The following ERC2 variants were observed in gnomAD, a reference collection of about 807,000 sequenced individuals.
ERC2 encodes ERC protein 2.
Under a neutral mutation model 114.8 loss-of-function variants are expected in ERC2, and 42 were observed. That is an observed-to-expected ratio of 0.37 (90% CI 0.29 to 0.47). The LOEUF (loss-of-function observed/expected upper bound fraction) is 0.47. Among genes scored for constraint, ERC2 ranks in the 20% least tolerant of loss-of-function variants. The pLI is 0.99. For synonymous variants in ERC2, 454 were observed against 425.5 expected (o/e 1.07, Z -0.82); for missense variants, 939 against 1,150.7 (o/e 0.82, Z 2.66).
chr3:55,651,196 C>T (rs1457048053), intron 17 of ERC2, among the ~76,000 whole-genome samples: 2 of 151,976 alleles, frequency 1.3e-5, no homozygotes, highest in Non-Finnish European at 2.9e-5. Flanking sequence ...AGTCTGCCCT[C>T]ACTGCTGTGA....
At chr3:55,625,207 A>G (rs1016381535) in intron 17 of ERC2, among the ~76,000 whole-genome samples, 1 of 151,808 alleles carries the variant, frequency 6.6e-6, no homozygotes, top group African/African-American at 2.4e-5. Context: ...TCTCTACTAA[A>G]AATACAAAAA....
intron 14 of ERC2, among the ~76,000 whole-genome samples, chr3:55,822,932 A>G (rs1395213177): frequency 6.6e-6 from 1 of 152,086 alleles, no homozygotes; most frequent in Admixed American, 6.5e-5. Flanking sequence ...TTTAATAGCC[A>G]TCATGCTGCC....
intron 14 of ERC2, among the ~76,000 whole-genome samples, chr3:55,743,171 T>C (rs1330465003): frequency 2.0e-5 from 3 of 152,208 alleles, no homozygotes; most frequent in Non-Finnish European, 1.5e-5. Context: ...ACGGGGGCCA[T>C]GGAGTCTTGT....
intron 17 of ERC2, among the ~76,000 whole-genome samples, chr3:55,637,238 C>T (rs1323663453): frequency 2.0e-5 from 3 of 152,226 alleles, no homozygotes; most frequent in Admixed American, 6.5e-5. Flanking sequence ...TAGAAACTTT[C>T]TCATCTATGT....
intron 3 of ERC2, among the ~76,000 whole-genome samples, chr3:56,229,922 G>C (rs6782312): frequency 6.9e-6 from 1 of 144,110 alleles, no homozygotes; most frequent in African/African-American, 2.6e-5. Flanking sequence ...CTCAGGCTGG[G>C]GTACAGTGGC....
intron 6 of ERC2, among the ~76,000 whole-genome samples, chr3:56,105,739 A>G (rs1341224115): frequency 6.6e-6 from 1 of 152,188 alleles, no homozygotes; most frequent in Non-Finnish European, 1.5e-5. Flanking sequence ...TCCAGATAAG[A>G]ATTGACTGTG....
intron 2 of ERC2, among the ~76,000 whole-genome samples, chr3:56,329,631 A>G (rs1413011923): frequency 2.6e-5 from 4 of 152,134 alleles, no homozygotes; most frequent in Non-Finnish European, 5.9e-5. Context: ...AACAAAACAA[A>G]ACAAGACTGA....
intron 12 of ERC2, 100 bp from the exon 13 acceptor site, chr3:55,950,660 AGGGCTTGGG>A: frequency 1.5e-6 from 2 of 1,293,138 alleles, no homozygotes; most frequent in Non-Finnish European, 2.2e-6. Flanking sequence ...TATCTGGATA[AGGGCTTGGG>A]AAAAAGATGA....
In ERC2 at chr3:56,073,371, C is replaced by T. The variant is rs533778778; in HGVS notation, c.1641+7446G>A. Among the ~76,000 whole-genome samples, 7 of 152,260 alleles carry T rather than the reference C, an allele frequency of 4.6e-5. No homozygotes were observed. In the Middle Eastern group the frequency reaches 0.01, roughly 222 times the overall value. ...CTGCATATTAGGACATTTAGCAGCA[C>T]CCCTGGAATAGACCCTACCCATGAG... On this transcript the variant is annotated intron_variant, in intron 7 of 17. Coordinates refer to ENST00000288221, the MANE Select transcript of ERC2 (RefSeq NM_015576.3).
At chr3:56,109,796 A>G (rs1044546608) in intron 6 of ERC2, among the ~76,000 whole-genome samples, 1 of 146,614 alleles carries the variant, frequency 6.8e-6, no homozygotes, top group African/African-American at 2.6e-5. Context: ...CAAATGTTTA[A>G]AAACCAACAA....
intron 6 of ERC2, among the ~76,000 whole-genome samples, chr3:56,087,179 TTGTGTG>T (rs59471652): frequency 0.24 from 35,924 of 147,112 alleles, 4,445 homozygotes; most frequent in South Asian, 0.31. Flanking sequence ...TTTGATCCAT[TTGTGTG>T]TGTGTGTGTG....
intron 7 of ERC2, among the ~76,000 whole-genome samples, chr3:56,028,490 A>G (rs1035426080): frequency 4.6e-5 from 7 of 152,122 alleles, no homozygotes; most frequent in Non-Finnish European, 8.8e-5. Context: ...TTAACATTTT[A>G]TAAGTTTCAG....
intron 15 of ERC2, among the ~76,000 whole-genome samples, chr3:55,701,732 G>A (rs1253751406): frequency 6.6e-6 from 1 of 152,200 alleles, no homozygotes; most frequent in Non-Finnish European, 1.5e-5. Context: ...GGTCAGTGGA[G>A]CTGCTGCAGA....
intron 17 of ERC2, among the ~76,000 whole-genome samples, chr3:55,612,149 G>A (rs1044185626): frequency 4.6e-5 from 7 of 152,306 alleles, no homozygotes; most frequent in African/African-American, 1.7e-4. Flanking sequence ...AGTTTCAGCT[G>A]GCACTAAAAC....
At chr3:56,284,864 C>G (rs1185156434) in intron 3 of ERC2, among the ~76,000 whole-genome samples, 2 of 152,020 alleles carry the variant, frequency 1.3e-5, no homozygotes, top group Admixed American at 6.6e-5. Context: ...GGACTTGCCT[C>G]ATTTCCAGCC....
In ERC2 at chr3:55,523,457, A is replaced by G. The variant is rs184695480; in HGVS notation, c.*40-12181T>C. On this transcript the variant is annotated intron_variant, in intron 17 of 17. Coordinates refer to ENST00000288221, the MANE Select transcript of ERC2 (RefSeq NM_015576.3). ...TTTCCCCATCATCCTTTATCTGGCT[A>G]CCTTCTGCTTATCCTTGGATGTCAG... Among the ~76,000 whole-genome samples, 10 of 152,198 alleles carry G rather than the reference A, an allele frequency of 6.6e-5. No individual in the cohort carries two copies. The East Asian group carries it at 1.9e-3, about 29-fold the overall frequency.
intron 2 of ERC2, among the ~76,000 whole-genome samples, chr3:56,362,807 T>C (rs966553076): frequency 6.6e-6 from 1 of 152,248 alleles, no homozygotes; most frequent in South Asian, 2.1e-4. Context: ...GACCTTGTTC[T>C]GGAAACTGTC....
intron 2 of ERC2, among the ~76,000 whole-genome samples, chr3:56,364,753 G>T (rs564878065): frequency 6.6e-6 from 1 of 152,182 alleles, no homozygotes; most frequent in East Asian, 1.9e-4. Flanking sequence ...ATAAAAATAA[G>T]ATATAAGCCT....
intron 2 of ERC2, among the ~76,000 whole-genome samples, chr3:56,310,299 G>A (rs1205272407): frequency 1.3e-5 from 2 of 152,114 alleles, no homozygotes; most frequent in East Asian, 1.9e-4. Flanking sequence ...AAATAGAAAC[G>A]CTTATAATAT....
Sources: allele counts gnomAD v4.1 joint callset (sites outside exome capture counted in the v4.1 genomes callset), GRCh38; gene constraint gnomAD v4.1.1; transcripts MANE v1.5; gene names NCBI Gene and HGNC (gene_info 2026-07-23, HGNC 2026-07-21).